The following INO80 variants were observed in gnomAD, a reference collection of about 807,000 sequenced individuals.
INO80 encodes chromatin-remodeling ATPase INO80.
A neutral mutation model predicts 203.4 loss-of-function variants in INO80; 20 were observed. The observed-to-expected ratio is 0.10, with a 90% CI of 0.07 to 0.14. The LOEUF (loss-of-function observed/expected upper bound fraction) is 0.14, where lower values mean the gene tolerates loss of function less well. Among genes scored for constraint, INO80 ranks in the 10% least tolerant of loss-of-function variants. The pLI is 1.00. For synonymous variants in INO80, 726 were observed against 685.2 expected (o/e 1.06, Z -0.93); for missense variants, 1,419 against 1,914.4 (o/e 0.74, Z 4.83).
At position 41,016,090 on chromosome 15, in the gene INO80, C is replaced by T. The variant is rs1470858003; in HGVS notation, c.3400G>A (p.Glu1134Lys). The T allele has an allele frequency of 6.2e-7, 1 of 1,611,574 alleles. No individual in the cohort carries two copies. The part of the protein sequence containing the change: ...SQMTRMIDLL[E>K]EYMVYRKHTY... ...GTCCCCAAGATTCCCTCTCCTACCT[C>T]CAGTAGGTCTATCATCCTGGTCATC... is the stretch of plus-strand genomic sequence containing the variant. The change falls in exon 27 of 36, where the codon GAG (glutamate) becomes AAG (lysine). Residue 1134 changes from glutamate to lysine, a missense_variant and splice_region_variant. Transcript: ENST00000648947.
chr15:41,074,305 G>T, intron 10 of INO80, 65 bp downstream of exon 10: 1 of 1,243,996 alleles, frequency 8.0e-7, no homozygotes, highest in Non-Finnish European at 1.1e-6. Context: ...AAAAATTAAT[G>T]TATATAACCT....
chr15:41,057,839 G>GA lies in INO80; in HGVS notation c.1985+799dup, dbSNP rs200993703. 7.7e-3 allele frequency among the ~76,000 whole-genome samples: 952 copies of GA among 123,454 alleles called. 14 individuals are homozygous for GA. Among genetic ancestry groups the GA allele is most frequent in the African/African-American group, 0.028 (918 of 32,628 alleles). 81.0% of individuals were successfully genotyped at this position (123,454 alleles called of 152,430 possible). A position where few individuals can be genotyped will look rare whatever the true frequency, so the allele number is the denominator to read the frequency against. Reference sequence around the variant, plus strand: ...AAAAAAAGAAAGAAAGAAAAGAATAGAAAAAACAAAGTTCTACAGAAAATA... The same window carrying GA: ...AAAAAAAGAAAGAAAGAAAAGAATAGAAAAAAACAAAGTTCTACAGAAAATA... On this transcript the variant is annotated intron_variant, in intron 16 of 35. Coordinates refer to ENST00000648947, the MANE Select transcript of INO80 (RefSeq NM_017553.3).
At chr15:41,043,186 G>T (rs2044698456) in intron 24 of INO80, among the ~76,000 whole-genome samples, 1 of 152,142 alleles carries the variant, frequency 6.6e-6, no homozygotes, top group African/African-American at 2.4e-5. Context: ...CTAGCGTTAA[G>T]AAAAATGCAG....
At chr15:40,984,725 T>A (rs1488148849) in intron 32 of INO80, among the ~76,000 whole-genome samples, 4 of 151,968 alleles carry the variant, frequency 2.6e-5, no homozygotes, top group Non-Finnish European at 5.9e-5. Context: ...CCAACCCTGA[T>A]CCTAATGGGC....
Position 41,050,013 on chromosome 15 carries a change from C to T in INO80, c.2364G>A (p.Leu788=), listed in dbSNP as rs775275020. The part of the protein sequence containing the change: ...LKNKISIEDL[L]QSSMGSTQQA... The stretch of plus-strand genomic sequence containing the variant: ...GTTGGGTAGAGCCCATAGAAGACTG[C>T]AATAAATCCTCAATGGAAATTTTGT... Residue 788 remains leucine (L), a synonymous_variant, in exon 20 of 36, where the codon TTG becomes TTA. Transcript: ENST00000648947. 1.9e-6 allele frequency: 3 copies of T among 1,613,970 alleles called. No homozygotes were observed. Among genetic ancestry groups the T allele is most frequent in the Non-Finnish European group, 2.5e-6 (3 of 1,179,964 alleles).
chr15:41,049,978 T>G lies in INO80; in HGVS notation c.2399A>C (p.Asn800Thr), dbSNP rs138047956. The part of the protein sequence containing the change: ...SSMGSTQQAQ[N>T]TTSSLMNLVM... ...CAGATTCATGAGGCTGCTGGTGGTG[T>G]TCTGTGCTTGTTGGGTAGAGCCCAT... The change falls in exon 20 of 36, where the codon AAC (asparagine) becomes ACC (threonine). Residue 800 changes from asparagine (N) to threonine (T), a missense_variant. Asn to Thr is a moderately conservative substitution (Grantham distance 65). Around this residue, in one of 9 missense-constraint regions of INO80, gnomAD observed 192 missense variants for 406.7 expected, o/e 0.47. Transcript: ENST00000648947. The G allele has an allele frequency of 5.5e-5, 88 of 1,614,056 alleles. 1 individual carries two copies. Among genetic ancestry groups the G allele is most frequent in the Non-Finnish European group, 6.9e-5 (82 of 1,180,004 alleles).
In INO80 at chr15:41,048,285, T is replaced by A. The variant is rs759510424; in HGVS notation, c.2577-9A>T. 6.2e-7 allele frequency: 1 copy of A among 1,606,086 alleles called. No individual in the cohort carries two copies. Among genetic ancestry groups the A allele is most frequent in the African/African-American group, 1.3e-5 (1 of 74,818 alleles). ...AAAGAACCCTTAACCACCTGCAAAG[T>A]AAGTAAATAAAATAAAGCCAAACCC... On this transcript the variant is annotated splice_polypyrimidine_tract_variant and intron_variant, in intron 21 of 35. Transcript: ENST00000648947.
intron 28 of INO80, chr15:41,004,426 A>G (rs1053062302): frequency 5.3e-5 from 8 of 152,260 alleles, no homozygotes; most frequent in African/African-American, 1.7e-4. Flanking sequence ...AATTTTCTTA[A>G]TAAGAATTCA....
chr15:41,110,803 G>A (rs900619345), intron 1 of INO80, among the ~76,000 whole-genome samples: 14 of 152,152 alleles, frequency 9.2e-5, no homozygotes, highest in Admixed American at 8.5e-4. Context: ...AAACATGATT[G>A]AACTTCATTA....
intron 29 of INO80, among the ~76,000 whole-genome samples, chr15:40,993,777 T>TAAAAAGAAAAAG (rs5812180): frequency 3.3e-5 from 5 of 151,288 alleles, no homozygotes; most frequent in Admixed American, 6.6e-5. Flanking sequence ...AATAAATAAA[T>TAAAAAGAAAAAG]AAAAAGAAAA....
intron 14 of INO80, 189 bp downstream of exon 14, chr15:41,069,380 CA>C: frequency 2.2e-6 from 1 of 448,270 alleles, no homozygotes. Context: ...CCATGTTAGC[CA>C]GGATGATCTC....
At chr15:41,052,927 G>T (rs1022845593) in intron 19 of INO80, among the ~76,000 whole-genome samples, 1 of 151,768 alleles carries the variant, frequency 6.6e-6, no homozygotes, top group Non-Finnish European at 1.5e-5. Flanking sequence ...CAGCTACTTG[G>T]GAGGCTGACA....
chr15:41,083,712 CAA>C (rs10706037), intron 7 of INO80, among the ~76,000 whole-genome samples: 76 of 85,578 alleles, frequency 8.9e-4, no homozygotes, highest in Admixed American at 2.1e-3. Context: ...GACTCCGTCT[CAA>C]AAAAAAAAAA....
chr15:41,023,344 G>A lies in INO80; in HGVS notation c.3049-2219C>T, dbSNP rs765692395. The A allele has an allele frequency of 6.6e-4, 300 of 455,638 alleles. 1 individual carries two copies. Among genetic ancestry groups the A allele is most frequent in the African/African-American group, 5.8e-3 (288 of 50,078 alleles). 28.2% of individuals were successfully genotyped at this position (455,638 alleles called of 1,614,324 possible). On this transcript the variant is annotated intron_variant, in intron 25 of 35. Coordinates refer to ENST00000648947, the MANE Select transcript of INO80 (RefSeq NM_017553.3). ...TCTCCCATGTAGGATGTGTGTCGCA[G>A]ACCTGCAAAATTAATAGCAGCTATA...
At position 41,009,453 on chromosome 15, in the gene INO80, A is replaced by C. The variant is rs1006652802; in HGVS notation, c.3403-3766T>G. Among the ~76,000 whole-genome samples, 7 of 138,570 alleles carry C rather than the reference A, an allele frequency of 5.1e-5. No homozygotes were observed. In the Admixed American group the frequency reaches 5.6e-4, roughly 11 times the overall value. 90.9% of individuals were successfully genotyped at this position (138,570 alleles called of 152,430 possible). On this transcript the variant is annotated intron_variant, in intron 27 of 35. Coordinates refer to ENST00000648947, the MANE Select transcript of INO80 (RefSeq NM_017553.3). ...TGTGTCCATGTGTTCTCATTGTTCA[A>C]TTCCCACCTATGAGTGAGAATATGC...
Position 41,030,510 on chromosome 15 carries a change from C to T in INO80, c.2908-2774G>A, listed in dbSNP as rs1465581223. On this transcript the variant is annotated intron_variant, in intron 24 of 35. Transcript: ENST00000648947. ...TCCTGAGTAGGTGGGCCTACAGGTG[C>T]GCACCACCACGCCTTTAATTTTTGT... is the stretch of plus-strand genomic sequence containing the variant. 3.3e-5 allele frequency among the ~76,000 whole-genome samples: 5 copies of T among 151,708 alleles called. No individual in the cohort carries two copies. In the East Asian group the frequency reaches 9.7e-4, roughly 29 times the overall value.
intron 8 of INO80, among the ~76,000 whole-genome samples, chr15:41,080,777 G>A (rs1452515230): frequency 6.6e-6 from 1 of 152,098 alleles, no homozygotes; most frequent in Non-Finnish European, 1.5e-5. Context: ...GCTTGAACCT[G>A]GGAGACGGTG....
intron 8 of INO80, 151 bp downstream of exon 8, chr15:41,080,869 A>C: frequency 1.6e-6 from 1 of 609,332 alleles, no homozygotes; most frequent in Non-Finnish European, 2.9e-6. Flanking sequence ...AATAAAAAAT[A>C]AACAGCTTGA....
At chr15:41,077,218 ATT>A (rs112772265) in intron 9 of INO80, among the ~76,000 whole-genome samples, 13,593 of 144,608 alleles carry the variant, frequency 0.094, 1,752 homozygotes, top group African/African-American at 0.29. Context: ...TGTTTGCTTT[ATT>A]TTTTTTTTTT....
Sources: gnomAD v4.1 joint callset for allele counts (sites outside exome capture counted in the v4.1 genomes callset) on GRCh38, gnomAD v4.1.1 for gene constraint, gnomAD v4.1.1 regional missense constraint, MANE v1.5 for transcripts, NCBI Gene and HGNC (gene_info 2026-07-23, HGNC 2026-07-21) for gene names.